Variants in ZC3H14 observed in about 807,000 individuals in gnomAD.
The protein encoded by ZC3H14 is zinc finger CCCH domain-containing protein 14.
A neutral mutation model predicts 92.4 loss-of-function variants in ZC3H14; 31 were observed. The ratio of observed to expected loss-of-function variants is 0.34; its 90% CI spans 0.25 to 0.45. The LOEUF (loss-of-function observed/expected upper bound fraction) is 0.45. ZC3H14 is among the 20% of genes least tolerant of loss of function. The pLI is 1.00. For synonymous variants in ZC3H14, 321 were observed against 300.9 expected (o/e 1.07, Z -0.69); for missense variants, 781 against 897.3 (o/e 0.87, Z 1.66).
Position 88,625,272 on chromosome 14 carries a change from G to C in ZC3H14, c.*13521G>C. On this transcript the variant is annotated 3_prime_UTR_variant, in exon 17 of 17. Transcript: ENST00000251038. ...GTAGTGGCAGCAGCACTGAATTCAC[G>C]AGTCAGGAAACCTGAACGGGAGGCT... The C allele has an allele frequency of 1.1e-6, 1 of 927,988 alleles. No individual in the cohort carries two copies. The highest frequency in any genetic ancestry group is 2.0e-5 in the South Asian group (1 of 50,846). The allele number at this position is 927,988 out of a possible 1,614,324, so 57.5% of individuals were successfully genotyped here. A position where few individuals can be genotyped will look rare whatever the true frequency, so the allele number is the denominator to read the frequency against.
At chr14:88,598,611 A>G (rs2084184289) in intron 10 of ZC3H14, among the ~76,000 whole-genome samples, 1 of 152,196 alleles carries the variant, frequency 6.6e-6, no homozygotes, top group South Asian at 2.1e-4. Context: ...CAGGAAATCT[A>G]ATTGCCTTTA....
chr14:88,586,604 ATCTTC>A (rs1378583811), intron 9 of ZC3H14: 1 of 152,028 alleles, frequency 6.6e-6, no homozygotes, highest in Non-Finnish European at 1.5e-5. Context: ...TGCTTTCAAG[ATCTTC>A]TCTTTGTGTT....
chr14:88,616,965 T>A lies in ZC3H14; in HGVS notation c.*5214T>A, dbSNP rs2087723212. 1 of 1,257,420 alleles carries A rather than the reference T, an allele frequency of 8.0e-7. No homozygotes were observed. The highest frequency in any genetic ancestry group is 1.1e-6 in the Non-Finnish European group (1 of 888,296). The allele number at this position is 1,257,420 out of a possible 1,614,324, so 77.9% of individuals were successfully genotyped here. ...AAAAAGTTTCTTGGCAATTAATCTCTAAGTACCCTATCATGTTACTTAAAA... is the reference window on the plus strand; with the variant it reads ...AAAAAGTTTCTTGGCAATTAATCTCAAAGTACCCTATCATGTTACTTAAAA... On this transcript the variant is annotated 3_prime_UTR_variant, in exon 17 of 17. Transcript: ENST00000251038.
Position 88,612,447 on chromosome 14 carries a change from A to G in ZC3H14, c.*696A>G, listed in dbSNP as rs2086925157. ...ACAGTTCTATACAGTGCTCTCATTT[A>G]CTAATAACATAATGCCTTCTAAATA... On this transcript the variant is annotated 3_prime_UTR_variant, in exon 17 of 17. Transcript: ENST00000251038. 6.6e-6 allele frequency: 1 copy of G among 152,224 alleles called. No individual in the cohort carries two copies. The highest frequency in any genetic ancestry group is 2.1e-4 in the South Asian group (1 of 4,826). 9.4% of individuals were successfully genotyped at this position (152,224 alleles called of 1,614,324 possible). A position where few individuals can be genotyped will look rare whatever the true frequency, so the allele number is the denominator to read the frequency against.
Position 88,621,560 on chromosome 14 carries a change from T to C in ZC3H14, c.*9809T>C. ...TTCTGTGGCAGTACACCTGGATTCT[T>C]CAATAATCAAAGTTTTTATTTGATA... On this transcript the variant is annotated 3_prime_UTR_variant, in exon 17 of 17. Transcript: ENST00000251038. 1 of 494,968 alleles carries C rather than the reference T, an allele frequency of 2.0e-6. No individual in the cohort carries two copies. Among genetic ancestry groups the C allele is most frequent in the South Asian group, 2.9e-5 (1 of 34,306 alleles). 30.7% of individuals were successfully genotyped at this position (494,968 alleles called of 1,614,324 possible). A position where few individuals can be genotyped will look rare whatever the true frequency, so the allele number is the denominator to read the frequency against.
intron 1 of ZC3H14, 179 bp downstream of exon 1, chr14:88,563,348 G>C: frequency 6.8e-7 from 1 of 1,463,076 alleles, no homozygotes; most frequent in Non-Finnish European, 9.0e-7. Flanking sequence ...TTGCGGCCTC[G>C]GAGCGTGGCT....
At chr14:88,582,682 T>G (rs1483562914) in intron 9 of ZC3H14, among the ~76,000 whole-genome samples, 4 of 152,136 alleles carry the variant, frequency 2.6e-5, no homozygotes, top group African/African-American at 9.7e-5. Context: ...TATGTTTGTG[T>G]GGTTTTCTAT....
intron 2 of ZC3H14, among the ~76,000 whole-genome samples, chr14:88,567,421 C>CTT (rs75032234): frequency 2.3e-5 from 3 of 128,708 alleles, no homozygotes; most frequent in Non-Finnish European, 5.1e-5. Flanking sequence ...GGCCTTTTTT[C>CTT]TTTTTTTTTT....
intron 9 of ZC3H14, chr14:88,592,360 G>A (rs2083241988): frequency 6.6e-6 from 1 of 152,086 alleles, no homozygotes; most frequent in Admixed American, 6.6e-5. Context: ...GAATTTTGAA[G>A]AACTGATTCA....
chr14:88,614,426 T>C lies in ZC3H14; in HGVS notation c.*2675T>C, dbSNP rs2087286486. The C allele has an allele frequency of 6.6e-6, 1 of 152,216 alleles. No homozygotes were observed. Among genetic ancestry groups the C allele is most frequent in the Non-Finnish European group, 1.5e-5 (1 of 68,034 alleles). 9.4% of individuals were successfully genotyped at this position (152,216 alleles called of 1,614,324 possible). A position where few individuals can be genotyped will look rare whatever the true frequency, so the allele number is the denominator to read the frequency against. On this transcript the variant is annotated 3_prime_UTR_variant, in exon 17 of 17. Coordinates refer to ENST00000251038, the MANE Select transcript of ZC3H14 (RefSeq NM_024824.5). ...TGGTTATGCTTTCTGTGATGTAATT[T>C]AGTCATTTCTATTTTTAGTATTAAC...
intron 5 of ZC3H14, 51 bp downstream of exon 5, chr14:88,572,276 CATTT>C: frequency 6.3e-7 from 1 of 1,581,682 alleles, no homozygotes; most frequent in Non-Finnish European, 8.7e-7. Flanking sequence ...GTGTATGTGA[CATTT>C]ATATTAGTTT....
intron 9 of ZC3H14, among the ~76,000 whole-genome samples, chr14:88,596,035 C>A (rs1461168086): frequency 6.6e-6 from 1 of 152,192 alleles, no homozygotes; most frequent in Non-Finnish European, 1.5e-5. Context: ...TTCTTTGTCC[C>A]TATTTTGTGC....
chr14:88,595,805 C>T (rs924447205), intron 9 of ZC3H14, among the ~76,000 whole-genome samples: 4 of 152,200 alleles, frequency 2.6e-5, no homozygotes, highest in Non-Finnish European at 5.9e-5. Context: ...TGTGAAGCCA[C>T]CTGTAATGGA....
rs536719911 is a variant in ZC3H14 at position 88,581,467 on chromosome 14, A to G, written c.1279+3327A>G. 7.2e-5 allele frequency among the ~76,000 whole-genome samples: 11 copies of G among 152,290 alleles called. No homozygotes were observed. The South Asian group carries it at 2.3e-3, about 32-fold the overall frequency. On this transcript the variant is annotated intron_variant, in intron 9 of 16. Transcript: ENST00000251038. ...TCCTAGCTACTCGGGAGGCTGAGCC[A>G]GGAGAATCGCTTGGATCCGGGAGGC...
At chr14:88,585,118 T>C (rs1311471770) in intron 9 of ZC3H14, among the ~76,000 whole-genome samples, 2 of 152,218 alleles carry the variant, frequency 1.3e-5, no homozygotes, top group African/African-American at 4.8e-5. Context: ...CTATATATTA[T>C]ATCTTAAATA....
At position 88,624,740 on chromosome 14, in the gene ZC3H14, A is replaced by C. The variant is rs550036355; in HGVS notation, c.*12989A>C. On this transcript the variant is annotated 3_prime_UTR_variant, in exon 17 of 17. Coordinates refer to ENST00000251038, the MANE Select transcript of ZC3H14 (RefSeq NM_024824.5). ...AACTCAACTTGTAGGACAACTACCT[A>C]TCCACACCTCAGAAAAAGTATCACC... 1.4e-5 allele frequency: 7 copies of C among 502,314 alleles called. No individual in the cohort carries two copies. Among genetic ancestry groups the C allele is most frequent in the Non-Finnish European group, 2.5e-5 (7 of 284,812 alleles). 31.1% of individuals were successfully genotyped at this position (502,314 alleles called of 1,614,324 possible).
rs371642935 is a variant in ZC3H14 at position 88,571,626 on chromosome 14, CTGCTTTTGAATTGG to C, written c.236-401_236-388del. Among the ~76,000 whole-genome samples, 525 of 152,128 alleles carry C rather than the reference CTGCTTTTGAATTGG, an allele frequency of 3.5e-3. 2 individuals are homozygous for C. Among genetic ancestry groups the C allele is most frequent in the African/African-American group, 0.012 (503 of 41,512 alleles). ...TTTAAAATTTTCTACAATAAACATA[CTGCTTTTGAATTGG>C]TGATGAGGAAGGAAACGACTTAAAG... On this transcript the variant is annotated intron_variant, in intron 4 of 16. Coordinates refer to ENST00000251038, the MANE Select transcript of ZC3H14 (RefSeq NM_024824.5).
intron 13 of ZC3H14, 70 bp from the exon 14 acceptor site, chr14:88,609,197 C>T (rs1190282843): frequency 9.5e-6 from 15 of 1,579,964 alleles, no homozygotes; most frequent in African/African-American, 1.3e-5. Context: ...GTGTAAAGAG[C>T]CCTTATACAC....
At chr14:88,591,727 G>A (rs1271231181) in intron 9 of ZC3H14, 1 of 152,184 alleles carries the variant, frequency 6.6e-6, no homozygotes, top group Non-Finnish European at 1.5e-5. Context: ...CTGTGAACAT[G>A]TGCACCCTTT....
Sources: gnomAD v4.1 joint callset for allele counts (sites outside exome capture counted in the v4.1 genomes callset) on GRCh38, gnomAD v4.1.1 for gene constraint, MANE v1.5 for transcripts, NCBI Gene and HGNC (gene_info 2026-07-23, HGNC 2026-07-21) for gene names.